The following MDGA2 variants were observed in gnomAD, a reference collection of about 807,000 sequenced individuals.
The protein encoded by MDGA2 is MAM domain-containing glycosylphosphatidylinositol anchor protein 2.
MDGA2 carries 40 observed loss-of-function variants against 117.8 expected under a neutral mutation model. The ratio of observed to expected loss-of-function variants is 0.34; its 90% CI spans 0.26 to 0.44. The LOEUF (loss-of-function observed/expected upper bound fraction) is 0.44. Ranked by LOEUF, MDGA2 falls within the 20% of genes least tolerant of loss-of-function variation. The probability of loss-of-function intolerance (pLI) is 1.00; values close to 1 mark genes in which losing one functional copy is unlikely to be tolerated. For missense variants in MDGA2, 1,123 were observed against 1,250.6 expected, an observed-to-expected ratio of 0.90 and a Z score of 1.54; for synonymous variants, 452 against 439.0, an observed-to-expected ratio of 1.03 and a Z score of -0.37.
intron 1 of MDGA2, among the ~76,000 whole-genome samples, chr14:47,388,371 A>G (rs1000733729): frequency 6.6e-6 from 1 of 152,186 alleles, no homozygotes; most frequent in African/African-American, 2.4e-5. Flanking sequence ...GCACTAAATC[A>G]ACTGTTTCAG....
chr14:47,054,848 T>G (rs972113452), intron 7 of MDGA2, among the ~76,000 whole-genome samples: 1 of 151,634 alleles, frequency 6.6e-6, no homozygotes, highest in Non-Finnish European at 1.5e-5. Context: ...ATACAAAAAT[T>G]AATTCAAGAT....
chr14:47,018,150 T>C lies in MDGA2; in HGVS notation c.1819+16861A>G, dbSNP rs547008233. ...TTTTTTTCTGGGGTAATTGACTTTT[T>C]TTTTCCCCCCGTTCTTTTTTTTAAA... On this transcript the variant is annotated intron_variant, in intron 8 of 16. Transcript: ENST00000399232. Among the ~76,000 whole-genome samples, 35 of 152,206 alleles carry C rather than the reference T, an allele frequency of 2.3e-4. 1 individual carries two copies. The East Asian group carries it at 5.6e-3, about 24-fold the overall frequency.
chr14:47,091,003 AATG>A (rs1162045763), intron 6 of MDGA2, among the ~76,000 whole-genome samples: 1 of 152,180 alleles, frequency 6.6e-6, no homozygotes, highest in Non-Finnish European at 1.5e-5. Context: ...GAACAAAACA[AATG>A]ATTATTATTG....
At chr14:47,637,671 T>C (rs1364341361) in intron 1 of MDGA2, among the ~76,000 whole-genome samples, 1 of 152,192 alleles carries the variant, frequency 6.6e-6, no homozygotes, top group Non-Finnish European at 1.5e-5. Flanking sequence ...TCATGTAACA[T>C]ATTATAAGAA....
chr14:47,225,788 T>A (rs1886471973), intron 2 of MDGA2, among the ~76,000 whole-genome samples: 1 of 151,524 alleles, frequency 6.6e-6, no homozygotes, highest in South Asian at 2.1e-4. Context: ...ATTGTGCACA[T>A]GTACCCTAAA....
intron 14 of MDGA2, among the ~76,000 whole-genome samples, chr14:46,866,951 A>C (rs969737040): frequency 1.3e-5 from 2 of 152,118 alleles, no homozygotes; most frequent in African/African-American, 4.8e-5. Flanking sequence ...GTGGGACTGT[A>C]AACTAGTTCA....
intron 3 of MDGA2, among the ~76,000 whole-genome samples, chr14:47,195,122 C>G (rs764019053): frequency 3.7e-4 from 56 of 151,904 alleles, no homozygotes; most frequent in Non-Finnish European, 7.1e-4. Context: ...CTATTTAAAA[C>G]CAGTGGCATA....
chr14:47,005,850 G>A (rs1320441961), intron 8 of MDGA2, among the ~76,000 whole-genome samples: 1 of 151,482 alleles, frequency 6.6e-6, no homozygotes, highest in Non-Finnish European at 1.5e-5. Context: ...TTGATTGTAT[G>A]TTTTATAAGC....
chr14:46,906,727 C>A (rs1208066469), intron 10 of MDGA2, among the ~76,000 whole-genome samples: 1 of 152,024 alleles, frequency 6.6e-6, no homozygotes, highest in Non-Finnish European at 1.5e-5. Context: ...GTTTGAATCA[C>A]TGTAATATTC....
chr14:47,530,060 G>T (rs184703253), intron 1 of MDGA2, among the ~76,000 whole-genome samples: 470 of 152,332 alleles, frequency 3.1e-3, no homozygotes, highest in Non-Finnish European at 5.2e-3. Flanking sequence ...TCCCCCTGCA[G>T]AGAGCCTATG....
At chr14:46,957,168 T>C (rs1257610711) in intron 9 of MDGA2, among the ~76,000 whole-genome samples, 1 of 152,196 alleles carries the variant, frequency 6.6e-6, no homozygotes, top group Non-Finnish European at 1.5e-5. Flanking sequence ...GATAACCTTC[T>C]ATGTAATTTT....
intron 3 of MDGA2, among the ~76,000 whole-genome samples, chr14:47,185,218 T>A (rs1025306746): frequency 6.6e-6 from 1 of 151,226 alleles, no homozygotes; most frequent in Non-Finnish European, 1.5e-5. Context: ...AATAATATTA[T>A]GGAAGCACTA....
chr14:47,320,822 G>A (rs987677400), intron 1 of MDGA2, among the ~76,000 whole-genome samples: 6 of 152,050 alleles, frequency 3.9e-5, no homozygotes, highest in African/African-American at 7.2e-5. Flanking sequence ...GAAGAGCCTC[G>A]GTTAAAGAGA....
chr14:47,542,792 A>G (rs1211001578), intron 1 of MDGA2, among the ~76,000 whole-genome samples: 5 of 152,224 alleles, frequency 3.3e-5, no homozygotes, highest in Admixed American at 2.0e-4. Context: ...CTTTATATAC[A>G]TTTTAGTATT....
intron 1 of MDGA2, among the ~76,000 whole-genome samples, chr14:47,354,735 G>A (rs1369249773): frequency 2.0e-5 from 3 of 152,276 alleles, no homozygotes; most frequent in South Asian, 2.1e-4. Flanking sequence ...TCACCCAAGC[G>A]ATCAAACAAA....
intron 10 of MDGA2, among the ~76,000 whole-genome samples, chr14:46,911,951 C>G (rs1200928792): frequency 2.0e-5 from 3 of 152,078 alleles, no homozygotes; most frequent in Admixed American, 6.6e-5. Flanking sequence ...AGGGCTCCAT[C>G]CCATTGCAGG....
chr14:47,585,819 G>A (rs1368634043), intron 1 of MDGA2, among the ~76,000 whole-genome samples: 2 of 151,600 alleles, frequency 1.3e-5, no homozygotes, highest in Non-Finnish European at 2.9e-5. Flanking sequence ...CTTCCACTGT[G>A]TATCACCTTC....
intron 2 of MDGA2, among the ~76,000 whole-genome samples, chr14:47,288,826 T>C (rs1888777007): frequency 6.6e-6 from 1 of 152,114 alleles, no homozygotes; most frequent in South Asian, 2.1e-4. Context: ...GGAAATACAT[T>C]TTATAGGCAC....
At chr14:47,349,685 A>G (rs1006835486) in intron 1 of MDGA2, among the ~76,000 whole-genome samples, 1 of 152,248 alleles carries the variant, frequency 6.6e-6, no homozygotes, top group African/African-American at 2.4e-5. Context: ...CAAAAAGAAA[A>G]GATCTTACCT....
Sources: gnomAD v4.1 joint callset for allele counts (sites outside exome capture counted in the v4.1 genomes callset) on GRCh38, gnomAD v4.1.1 for gene constraint, MANE v1.5 for transcripts, NCBI Gene and HGNC (gene_info 2026-07-23, HGNC 2026-07-21) for gene names.